Variants in XKR9 observed in about 807,000 individuals in gnomAD.
XKR9 encodes XK related 9.
Under a neutral mutation model 32.0 loss-of-function variants are expected in XKR9, and 32 were observed. The ratio of observed to expected loss-of-function variants is 1.00; its 90% CI spans 0.76 to 1.34. The LOEUF is 1.34. Among genes scored for constraint, XKR9 ranks in the 40% most tolerant of loss-of-function variants. The pLI is 0.00. For missense variants in XKR9, 546 were observed against 429.7 expected (o/e 1.27, Z -2.39); for synonymous variants, 168 against 143.4 (o/e 1.17, Z -1.22).
the XKR9 span, among the ~76,000 whole-genome samples, chr8:71,027,783 G>A: frequency 2.0e-5 from 1 of 49,974 alleles, no homozygotes; most frequent in Non-Finnish European, 6.7e-5. Context: ...TTTTGGCGGG[G>A]GGGGGGGGTC....
chr8:70,720,338 G>T (rs963370456), intron 4 of XKR9, among the ~76,000 whole-genome samples: 15 of 152,106 alleles, frequency 9.9e-5, no homozygotes, highest in Non-Finnish European at 1.6e-4. Flanking sequence ...ATACTATGTT[G>T]AATAGGAGTG....
At chr8:70,723,389 G>C (rs1752109130) in intron 4 of XKR9, among the ~76,000 whole-genome samples, 1 of 152,080 alleles carries the variant, frequency 6.6e-6, no homozygotes, top group South Asian at 2.1e-4. Flanking sequence ...GAGATATTTT[G>C]GCTTTTGGAA....
At chr8:70,856,249 C>G in the XKR9 span, among the ~76,000 whole-genome samples, 1 of 152,110 alleles carries the variant, frequency 6.6e-6, no homozygotes, top group Non-Finnish European at 1.5e-5. Context: ...CATGCAGAGA[C>G]ACACATAGGC....
chr8:70,689,004 A>G (rs900581778), intron 3 of XKR9, among the ~76,000 whole-genome samples: 5 of 152,202 alleles, frequency 3.3e-5, no homozygotes, highest in Non-Finnish European at 1.5e-5. Context: ...AGATTTGACT[A>G]TAAAAATGCG....
chr8:71,027,859 T>C, the XKR9 span, among the ~76,000 whole-genome samples: 85,894 of 150,908 alleles, frequency 0.57, 25,543 homozygotes, highest in African/African-American at 0.64. Flanking sequence ...GCCACAACCT[T>C]CCCCTGGGGT....
At chr8:70,705,676 A>G (rs1372506876) in intron 3 of XKR9, among the ~76,000 whole-genome samples, 1 of 152,156 alleles carries the variant, frequency 6.6e-6, no homozygotes, top group African/African-American at 2.4e-5. Context: ...AACATATGAT[A>G]AGGACTTCGG....
intron 3 of XKR9, among the ~76,000 whole-genome samples, chr8:70,685,023 CT>C (rs965562993): frequency 1.4e-5 from 2 of 146,514 alleles, no homozygotes; most frequent in African/African-American, 5.0e-5. Context: ...ATAAATCATG[CT>C]GCTATAAAGA....
chr8:70,946,933 T>A, the XKR9 span, among the ~76,000 whole-genome samples: 1 of 152,204 alleles, frequency 6.6e-6, no homozygotes, highest in African/African-American at 2.4e-5. Flanking sequence ...AAGGGAACTT[T>A]ACAGCCGAAA....
chr8:70,776,923 T>TTCTCTCTCTCTCTC (rs369388439), intron 2 of XKR9, among the ~76,000 whole-genome samples: 851 of 59,586 alleles, frequency 0.014, 33 homozygotes, highest in South Asian at 0.032. Flanking sequence ...TTCTCTTTCT[T>TTCTCTCTCTCTCTC]TCTCTCTCTC....
the XKR9 span, among the ~76,000 whole-genome samples, chr8:70,898,157 A>G: frequency 6.6e-6 from 1 of 152,174 alleles, no homozygotes; most frequent in Admixed American, 6.5e-5. Context: ...AGCAGTATTT[A>G]TTGAAGAGAC....
the XKR9 span, among the ~76,000 whole-genome samples, chr8:70,839,957 C>G: frequency 6.6e-6 from 1 of 152,146 alleles, no homozygotes; most frequent in Non-Finnish European, 1.5e-5. Flanking sequence ...TTAACGTTCT[C>G]TTTCAGCTAT....
chr8:70,984,747 A>C, the XKR9 span, among the ~76,000 whole-genome samples: 1 of 152,238 alleles, frequency 6.6e-6, no homozygotes, highest in East Asian at 1.9e-4. Context: ...CCTGAGGTAC[A>C]ATGTGGGAAT....
chr8:70,710,008 G>C (rs1027136810), intron 4 of XKR9, among the ~76,000 whole-genome samples: 13 of 152,118 alleles, frequency 8.5e-5, no homozygotes, highest in Admixed American at 2.0e-4. Flanking sequence ...GAAGAAAAAA[G>C]CTGGAGGCAT....
At chr8:71,037,700 C>T in the XKR9 span, among the ~76,000 whole-genome samples, 2 of 152,160 alleles carry the variant, frequency 1.3e-5, no homozygotes, top group East Asian at 1.9e-4. Flanking sequence ...AAATGAATGA[C>T]GAAGTTAAAA....
At chr8:70,771,824 T>G (rs1343783864) in intron 2 of XKR9, among the ~76,000 whole-genome samples, 1 of 152,126 alleles carries the variant, frequency 6.6e-6, no homozygotes, top group African/African-American at 2.4e-5. Flanking sequence ...AAGCAGATGA[T>G]CCAATCCTGT....
At chr8:70,700,687 G>T (rs1162128141) in intron 3 of XKR9, among the ~76,000 whole-genome samples, 1 of 152,210 alleles carries the variant, frequency 6.6e-6, no homozygotes, top group East Asian at 1.9e-4. Context: ...CCAGCTGCGT[G>T]CTGGGAGAAC....
In XKR9 at chr8:70,733,990, A is replaced by T; in HGVS notation, c.688A>T (p.Ile230Phe). Residue 230 changes from isoleucine (I) to phenylalanine (F), a missense_variant, in exon 5 of 5, where the codon ATT (isoleucine) becomes TTT (phenylalanine). Physicochemically the swap from Ile to Phe is conservative, Grantham distance 21. Transcript: ENST00000408926. ...VVLLLFLNVKIALFLLLFLWL... is the reference protein window; with the variant it reads ...VVLLLFLNVKFALFLLLFLWL... ...ACTTCTACTATTCTTAAATGTTAAGATTGCTTTATTTCTGTTGTTATTTCT... is the reference window on the plus strand; with the variant it reads ...ACTTCTACTATTCTTAAATGTTAAGTTTGCTTTATTTCTGTTGTTATTTCT... 6.2e-7 allele frequency: 1 copy of T among 1,612,090 alleles called. No homozygotes were observed.
chr8:70,941,238 G>A, the XKR9 span, among the ~76,000 whole-genome samples: 1 of 151,784 alleles, frequency 6.6e-6, no homozygotes, highest in Non-Finnish European at 1.5e-5. Flanking sequence ...AACCTTTTGT[G>A]TCTGGGTTCT....
the XKR9 span, among the ~76,000 whole-genome samples, chr8:71,048,705 T>C: frequency 2.0e-5 from 3 of 152,218 alleles, no homozygotes; most frequent in Non-Finnish European, 4.4e-5. Flanking sequence ...ATATTCCATA[T>C]CCACATTCTA....
Sources: gnomAD v4.1 joint callset for allele counts (sites outside exome capture counted in the v4.1 genomes callset) on GRCh38, gnomAD v4.1.1 for gene constraint, MANE v1.5 for transcripts, NCBI Gene and HGNC (gene_info 2026-07-23, HGNC 2026-07-21) for gene names.